AUTS2: variants seen among roughly 807,000 people sequenced by gnomAD.
The protein encoded by AUTS2 is autism susceptibility gene 2 protein.
Under a neutral mutation model 112.4 loss-of-function variants are expected in AUTS2, and 17 were observed. The observed-to-expected ratio is 0.15, with a 90% CI of 0.10 to 0.23. AUTS2 has a LOEUF of 0.23. AUTS2 is among the 10% of genes least tolerant of loss of function. AUTS2 has a pLI of 1.00. For synonymous variants in AUTS2, 751 were observed against 702.7 expected (o/e 1.07, Z -1.09); for missense variants, 1,510 against 1,701.6 (o/e 0.89, Z 1.98).
At chr7:70,260,274 G>A (rs955026142) in intron 4 of AUTS2, among the ~76,000 whole-genome samples, 1 of 152,016 alleles carries the variant, frequency 6.6e-6, no homozygotes, top group African/African-American at 2.4e-5. Context: ...GCTGAGACAG[G>A]AGAATTATGT....
At chr7:70,055,590 T>C (rs1801957192) in intron 2 of AUTS2, among the ~76,000 whole-genome samples, 1 of 152,210 alleles carries the variant, frequency 6.6e-6, no homozygotes, top group African/African-American at 2.4e-5. Flanking sequence ...GACCTTTAGC[T>C]TTTCCCAGTT....
intron 6 of AUTS2, among the ~76,000 whole-genome samples, chr7:70,708,378 T>G (rs2129548718): frequency 6.6e-6 from 1 of 152,306 alleles, no homozygotes; most frequent in East Asian, 1.9e-4. Flanking sequence ...ACATCAGTGG[T>G]GATTCCATTG....
chr7:70,584,166 T>C (rs1802582167), intron 5 of AUTS2, among the ~76,000 whole-genome samples: 1 of 152,208 alleles, frequency 6.6e-6, no homozygotes, highest in East Asian at 1.9e-4. Context: ...ACTGAAGTAA[T>C]GCCCTGTAGC....
At chr7:69,757,852 CA>C (rs1319367754) in intron 1 of AUTS2, among the ~76,000 whole-genome samples, 5 of 152,030 alleles carry the variant, frequency 3.3e-5, no homozygotes, top group African/African-American at 1.2e-4. Flanking sequence ...ATGTGCAATA[CA>C]AAAAAAGATA....
chr7:70,275,341 G>A (rs940370678), intron 4 of AUTS2, among the ~76,000 whole-genome samples: 14 of 152,142 alleles, frequency 9.2e-5, no homozygotes, highest in Admixed American at 3.3e-4. Context: ...ACTGCTATGA[G>A]GTACCTAGAG....
At chr7:70,645,596 T>C (rs1331526142) in intron 5 of AUTS2, among the ~76,000 whole-genome samples, 1 of 152,154 alleles carries the variant, frequency 6.6e-6, no homozygotes, top group Non-Finnish European at 1.5e-5. Context: ...CCATGGGGCC[T>C]GCTCACGAAG....
At chr7:70,409,373 T>G (rs1275942155) in intron 4 of AUTS2, among the ~76,000 whole-genome samples, 1 of 152,176 alleles carries the variant, frequency 6.6e-6, no homozygotes, top group Non-Finnish European at 1.5e-5. Flanking sequence ...GTATGTATAA[T>G]AACTCATAGC....
At chr7:69,650,040 A>T (rs1795223558) in intron 1 of AUTS2, among the ~76,000 whole-genome samples, 1 of 152,136 alleles carries the variant, frequency 6.6e-6, no homozygotes, top group Admixed American at 6.5e-5. Flanking sequence ...TACACTGTGG[A>T]TGGTTGGAGA....
At chr7:69,623,362 A>G (rs1319233335) in intron 1 of AUTS2, among the ~76,000 whole-genome samples, 1 of 137,268 alleles carries the variant, frequency 7.3e-6, no homozygotes, top group Non-Finnish European at 1.6e-5. Context: ...AGCTGGGACT[A>G]CCACCACCAC....
chr7:70,378,019 G>A (rs556067583), intron 4 of AUTS2, among the ~76,000 whole-genome samples: 3 of 151,388 alleles, frequency 2.0e-5, no homozygotes, highest in Admixed American at 6.6e-5. Flanking sequence ...CTTGTGATCC[G>A]CCCATCTCAG....
At chr7:69,622,081 CT>C (rs1793694151) in intron 1 of AUTS2, among the ~76,000 whole-genome samples, 1 of 152,164 alleles carries the variant, frequency 6.6e-6, no homozygotes, top group Admixed American at 6.5e-5. Context: ...GTGTTTTAGA[CT>C]TTCCTATAGT....
intron 1 of AUTS2, among the ~76,000 whole-genome samples, chr7:69,684,299 G>C (rs1375474801): frequency 1.3e-5 from 2 of 152,152 alleles, no homozygotes; most frequent in Non-Finnish European, 2.9e-5. Context: ...CCTTGGGACA[G>C]GGTCAAGGTT....
At chr7:70,120,082 G>T (rs1186494460) in intron 3 of AUTS2, 1 of 151,886 alleles carries the variant, frequency 6.6e-6, no homozygotes, top group African/African-American at 2.4e-5. Context: ...TAACATAAAC[G>T]GTTGGAGACC....
rs1805281669 is a variant in AUTS2, at chr7:70,631,874, C to T, written c.691-66695C>T. Among the ~76,000 whole-genome samples the T allele has an allele frequency of 6.6e-6, 1 of 151,996 alleles. No homozygotes were observed. Among genetic ancestry groups the T allele is most frequent in the Admixed American group, 6.6e-5 (1 of 15,262 alleles). On this transcript the variant is annotated intron_variant, in intron 5 of 18. Coordinates refer to ENST00000342771, the MANE Select transcript of AUTS2 (RefSeq NM_015570.4). The surrounding 1 kb of genome is among the most constrained non-coding windows in gnomAD (Gnocchi z 4.5). ...CCGCTTTGGCTTAGTTCTCCCATGT[C>T]CCTTGATTCAGTGGTGTGACCAGAG...
chr7:70,321,992 C>G (rs984710543), intron 4 of AUTS2, among the ~76,000 whole-genome samples: 4 of 152,094 alleles, frequency 2.6e-5, no homozygotes, highest in African/African-American at 9.7e-5. Context: ...TTTTAATCCC[C>G]AAGTTAGAAG....
At chr7:69,893,857 C>T (rs1794626886) in intron 1 of AUTS2, among the ~76,000 whole-genome samples, 1 of 152,282 alleles carries the variant, frequency 6.6e-6, no homozygotes. Flanking sequence ...TTAGTTTGCA[C>T]AACACTGAAC....
chr7:70,393,332 G>C (rs772310434), intron 4 of AUTS2, among the ~76,000 whole-genome samples: 2 of 152,208 alleles, frequency 1.3e-5, no homozygotes, highest in Non-Finnish European at 2.9e-5. Context: ...TGCTGGCTGG[G>C]AAGAGAGGAA....
chr7:70,230,778 C>T (rs764100300), intron 4 of AUTS2, among the ~76,000 whole-genome samples: 30 of 152,238 alleles, frequency 2.0e-4, no homozygotes, highest in Non-Finnish European at 8.8e-5. Flanking sequence ...TTGTTGCTTG[C>T]TTCAGTCAGT....
intron 6 of AUTS2, among the ~76,000 whole-genome samples, chr7:70,731,311 A>G (rs1306131698): frequency 6.6e-6 from 1 of 151,244 alleles, no homozygotes; most frequent in East Asian, 1.9e-4. Context: ...GACGGTCAAG[A>G]AGATACTATT....
Sources: allele counts gnomAD v4.1 joint callset (sites outside exome capture counted in the v4.1 genomes callset), GRCh38; gene constraint gnomAD v4.1.1; non-coding constraint Gnocchi (gnomAD v3.1); transcripts MANE v1.5; gene names NCBI Gene and HGNC (gene_info 2026-07-23, HGNC 2026-07-21).